The following HECW1 variants were observed in gnomAD, a reference collection of about 807,000 sequenced individuals.
HECW1 encodes E3 ubiquitin-protein ligase HECW1.
In HECW1, 61 loss-of-function variants were observed where a neutral mutation model predicts 182.3. The ratio of observed to expected loss-of-function variants is 0.33; its 90% CI spans 0.27 to 0.41. The LOEUF is 0.41. HECW1 is among the 10% of genes least tolerant of loss of function. The pLI, the probability that HECW1 is intolerant of heterozygous loss-of-function variation, is 1.00. For synonymous variants in HECW1, 859 were observed against 832.6 expected, an observed-to-expected ratio of 1.03 and a Z score of -0.55; for missense variants, 1,739 against 2,108.9, an observed-to-expected ratio of 0.82 and a Z score of 3.44.
At chr7:43,353,726 C>A (rs1814745779) in intron 5 of HECW1, among the ~76,000 whole-genome samples, 1 of 152,156 alleles carries the variant, frequency 6.6e-6, no homozygotes, top group Non-Finnish European at 1.5e-5. Flanking sequence ...AGGTAGACAA[C>A]CAGCTTCCAC....
intron 21 of HECW1, among the ~76,000 whole-genome samples, chr7:43,503,971 T>C (rs980361800): frequency 6.6e-6 from 1 of 152,210 alleles, no homozygotes; most frequent in Non-Finnish European, 1.5e-5. Flanking sequence ...TGGTGGCCAT[T>C]GGTTCCCTCA....
chr7:43,287,103 TTG>T (rs1804745593), intron 3 of HECW1, among the ~76,000 whole-genome samples: 1 of 152,086 alleles, frequency 6.6e-6, no homozygotes, highest in South Asian at 2.1e-4. Flanking sequence ...ATGTACCTTG[TTG>T]TGAGAGGAAA....
chr7:43,378,082 T>G (rs559915705), intron 6 of HECW1: 1 of 171,556 alleles, frequency 5.8e-6, no homozygotes, highest in Non-Finnish European at 1.3e-5. Context: ...CTTAATTTTA[T>G]TAGCCAAGTA....
At chr7:43,169,972 C>T (rs1203317064) in intron 2 of HECW1, among the ~76,000 whole-genome samples, 1 of 152,206 alleles carries the variant, frequency 6.6e-6, no homozygotes, top group Non-Finnish European at 1.5e-5. Context: ...TGTCTGCCAA[C>T]ATCGTCTTTA....
At chr7:43,419,455 A>G (rs1009295678) in intron 8 of HECW1, among the ~76,000 whole-genome samples, 1 of 152,244 alleles carries the variant, frequency 6.6e-6, no homozygotes, top group African/African-American at 2.4e-5. Flanking sequence ...AGTAGATTCC[A>G]TCTCTTCACT....
intron 8 of HECW1, among the ~76,000 whole-genome samples, chr7:43,417,140 T>G (rs2076038191): frequency 6.6e-6 from 1 of 152,170 alleles, no homozygotes; most frequent in Non-Finnish European, 1.5e-5. Flanking sequence ...AACCTCCACC[T>G]CCTGGGTTCA....
intron 5 of HECW1, among the ~76,000 whole-genome samples, chr7:43,359,708 C>A (rs769109236): frequency 1.3e-5 from 2 of 152,090 alleles, no homozygotes; most frequent in African/African-American, 2.4e-5. Flanking sequence ...GAGCACATTT[C>A]AAATGCATGC....
chr7:43,274,563 G>A (rs1249065631), intron 3 of HECW1: 2 of 520,328 alleles, frequency 3.8e-6, no homozygotes, highest in East Asian at 9.5e-5. Flanking sequence ...ACCACCAAGA[G>A]GCCCAACATC....
rs1027451676 is a variant in HECW1 at position 43,217,577 on chromosome 7, C to G, written c.-31-26298C>G. Among the ~76,000 whole-genome samples the G allele has an allele frequency of 3.3e-5, 5 of 152,258 alleles. No homozygotes were observed. In the South Asian group the frequency reaches 8.3e-4, roughly 25 times the overall value. On this transcript the variant is annotated intron_variant, in intron 2 of 29. Coordinates refer to ENST00000395891, the MANE Select transcript of HECW1 (RefSeq NM_015052.5). Reference sequence around the variant, plus strand: ...AATCACTGATTGCAAGGAAGTGAAACCTACCTGAGCTAATTTCAAATGACC... The same window carrying G: ...AATCACTGATTGCAAGGAAGTGAAAGCTACCTGAGCTAATTTCAAATGACC...
chr7:43,434,327 T>A (rs1187562074), intron 8 of HECW1, among the ~76,000 whole-genome samples: 1 of 152,240 alleles, frequency 6.6e-6, no homozygotes, highest in African/African-American at 2.4e-5. Context: ...GGGGTCTGGA[T>A]AGAATAGGAA....
chr7:43,288,568 A>G (rs1227775323), intron 3 of HECW1, among the ~76,000 whole-genome samples: 2 of 152,164 alleles, frequency 1.3e-5, no homozygotes, highest in Admixed American at 6.5e-5. Flanking sequence ...CCACTCACTC[A>G]TCCTGTGGCC....
rs1802834170 is a variant in HECW1, at chr7:43,274,485, G to T, written c.27+30553G>T. ...CCACCATGGGCCGGCACCGCACCCA[G>T]GCCCACTGCATCCAGATCATGAAGG... On this transcript the variant is annotated intron_variant, in intron 3 of 29. Transcript: ENST00000395891. The T allele has an allele frequency of 6.4e-6, 4 of 620,568 alleles. No individual in the cohort carries two copies. The Admixed American group carries it at 8.5e-5, about 13-fold the overall frequency. 38.4% of individuals were successfully genotyped at this position (620,568 alleles called of 1,614,324 possible). A position where few individuals can be genotyped will look rare whatever the true frequency, so the allele number is the denominator to read the frequency against.
In HECW1 at chr7:43,306,310, C is replaced by A. The variant is rs533222585; in HGVS notation, c.28-5453C>A. ...CTGATTTCTGTCTGTTTTGTATTTT[C>A]CTATTTTATTATACATTTCTTGGTT... On this transcript the variant is annotated intron_variant, in intron 3 of 29. Coordinates refer to ENST00000395891, the MANE Select transcript of HECW1 (RefSeq NM_015052.5). 2.7e-3 allele frequency among the ~76,000 whole-genome samples: 405 copies of A among 152,140 alleles called. 2 individuals carry two copies. The highest frequency in any genetic ancestry group is 9.5e-3 in the African/African-American group (393 of 41,494).
chr7:43,374,799 A>AAAAAAAAAAAAAAAAAAAAAAAAAC (rs1303274874), intron 6 of HECW1, among the ~76,000 whole-genome samples: 1 of 54,074 alleles, frequency 1.8e-5, no homozygotes, highest in Non-Finnish European at 3.0e-5. Context: ...AAAAAAAAAA[A>AAAAAAAAAAAAAAAAAAAAAAAAAC]ATAGAGAAAT....
At chr7:43,423,840 A>G (rs1382380732) in intron 8 of HECW1, among the ~76,000 whole-genome samples, 1 of 152,226 alleles carries the variant, frequency 6.6e-6, no homozygotes, top group Non-Finnish European at 1.5e-5. Flanking sequence ...AAAAAGTTGA[A>G]GACTAACACT....
chr7:43,333,448 T>C (rs925544244), intron 5 of HECW1, among the ~76,000 whole-genome samples: 2 of 152,238 alleles, frequency 1.3e-5, no homozygotes, highest in Admixed American at 1.3e-4. Flanking sequence ...GGATTCCATT[T>C]GTATATGCAT....
chr7:43,288,310 C>T (rs10242062), intron 3 of HECW1, among the ~76,000 whole-genome samples: 54,870 of 151,866 alleles, frequency 0.36, 13,360 homozygotes, highest in African/African-American at 0.7. Flanking sequence ...TGTCAAAATC[C>T]GGGAGCAGGG....
intron 19 of HECW1, among the ~76,000 whole-genome samples, chr7:43,494,857 T>C (rs2079057508): frequency 1.3e-5 from 2 of 152,268 alleles, no homozygotes; most frequent in South Asian, 4.1e-4. Flanking sequence ...TCTCAAAGTC[T>C]GGCCCTAACC....
chr7:43,411,346 CTCTATATGATTGCAA>C (rs796759287), intron 8 of HECW1, among the ~76,000 whole-genome samples: 4 of 152,176 alleles, frequency 2.6e-5, no homozygotes, highest in African/African-American at 9.6e-5. Context: ...AGAGAACATA[CTCTATATGATTGCAA>C]TCTATTTAAA....
Sources: gnomAD v4.1 joint callset for allele counts (sites outside exome capture counted in the v4.1 genomes callset) on GRCh38, gnomAD v4.1.1 for gene constraint, MANE v1.5 for transcripts, NCBI Gene and HGNC (gene_info 2026-07-23, HGNC 2026-07-21) for gene names.